The following WHRN variants were observed in gnomAD, a reference collection of about 807,000 sequenced individuals.
WHRN encodes CASK-interacting protein CIP98.
Under a neutral mutation model 68.3 loss-of-function variants are expected in WHRN, and 41 were observed. The observed-to-expected ratio is 0.60, with a 90% CI of 0.47 to 0.78. WHRN has a LOEUF of 0.78. WHRN is among the 30% of genes least tolerant of loss of function. The pLI, the probability that WHRN is intolerant of heterozygous loss-of-function variation, is 0.00. For missense variants in WHRN, 1,243 were observed against 1,244.7 expected (o/e 1.00, Z 0.02); for synonymous variants, 560 against 561.3 (o/e 1.00, Z 0.03).
At chr9:114,493,012 A>G (rs1315740471) in intron 1 of WHRN, among the ~76,000 whole-genome samples, 1 of 152,022 alleles carries the variant, frequency 6.6e-6, no homozygotes, top group Non-Finnish European at 1.5e-5. Flanking sequence ...GCAAGGCCCT[A>G]TCTCAAAAAA....
chr9:114,498,342 A>C (rs1485979231), intron 1 of WHRN, among the ~76,000 whole-genome samples: 1 of 152,188 alleles, frequency 6.6e-6, no homozygotes, highest in Non-Finnish European at 1.5e-5. Flanking sequence ...AGGAGTGGGC[A>C]GGTAGGGGTA....
chr9:114,439,933 G>T (rs2132570578), intron 3 of WHRN, among the ~76,000 whole-genome samples: 1 of 152,234 alleles, frequency 6.6e-6, no homozygotes, highest in South Asian at 2.1e-4. Flanking sequence ...TTTATTTATT[G>T]AGACGGAGTC....
intron 2 of WHRN, among the ~76,000 whole-genome samples, chr9:114,476,087 C>T (rs1841623232): frequency 1.3e-5 from 2 of 152,148 alleles, no homozygotes; most frequent in South Asian, 4.1e-4. Flanking sequence ...ATCTCAGCCT[C>T]CCAAGCAGCT....
At chr9:114,494,393 T>G (rs979781552) in intron 1 of WHRN, among the ~76,000 whole-genome samples, 5 of 152,244 alleles carry the variant, frequency 3.3e-5, no homozygotes, top group African/African-American at 1.2e-4. Flanking sequence ...TATCCCCATT[T>G]TAGAGATGAG....
chr9:114,482,840 C>T (rs1842198876), intron 1 of WHRN, among the ~76,000 whole-genome samples: 1 of 152,192 alleles, frequency 6.6e-6, no homozygotes, highest in African/African-American at 2.4e-5. Context: ...GAGAACACCA[C>T]AGAGAGCCAG....
intron 3 of WHRN, among the ~76,000 whole-genome samples, chr9:114,459,055 C>T (rs1326091593): frequency 6.6e-6 from 1 of 152,160 alleles, no homozygotes; most frequent in Non-Finnish European, 1.5e-5. Context: ...TCCAGAACCT[C>T]CCTTGGGCAG....
At chr9:114,489,614 T>G (rs1328473565) in intron 1 of WHRN, among the ~76,000 whole-genome samples, 2 of 152,188 alleles carry the variant, frequency 1.3e-5, no homozygotes, top group Non-Finnish European at 2.9e-5. Flanking sequence ...TACTTTTGAC[T>G]TAAGTAAGAA....
chr9:114,465,856 T>C (rs946510709), intron 3 of WHRN, among the ~76,000 whole-genome samples: 2 of 152,178 alleles, frequency 1.3e-5, no homozygotes, highest in Non-Finnish European at 2.9e-5. Context: ...GGGCACACAG[T>C]TAGCCCTCTT....
At chr9:114,450,825 T>A (rs1589161465) in intron 3 of WHRN, among the ~76,000 whole-genome samples, 2 of 122,898 alleles carry the variant, frequency 1.6e-5, no homozygotes, top group East Asian at 2.5e-4. Context: ...TATTATTAGT[T>A]TCCCCCCCCG....
chr9:114,464,986 G>C (rs1840557104), intron 3 of WHRN, among the ~76,000 whole-genome samples: 1 of 152,160 alleles, frequency 6.6e-6, no homozygotes. Context: ...CAAGATGCCA[G>C]CAGGTTCAGT....
intron 1 of WHRN, among the ~76,000 whole-genome samples, chr9:114,483,130 T>C (rs535503667): frequency 6.6e-6 from 1 of 152,194 alleles, no homozygotes; most frequent in Non-Finnish European, 1.5e-5. Context: ...GGGATAAATA[T>C]GGGCTTTTTC....
Position 114,402,535 on chromosome 9 carries a change from A to T in WHRN, c.*219T>A. The T allele has an allele frequency of 1.6e-6, 1 of 634,096 alleles. No homozygotes were observed. The highest frequency in any genetic ancestry group is 2.8e-6 in the Non-Finnish European group (1 of 356,824). 39.3% of individuals were successfully genotyped at this position (634,096 alleles called of 1,614,324 possible). On this transcript the variant is annotated 3_prime_UTR_variant, in exon 12 of 12. Transcript: ENST00000362057. Reference sequence around the variant, plus strand: ...CACTTGTCCTGGGCGCCTACTGTGTACCCAGTACAGCACCAGTTCCTGACC... The same window carrying T: ...CACTTGTCCTGGGCGCCTACTGTGTTCCCAGTACAGCACCAGTTCCTGACC...
chr9:114,462,101 T>A (rs1840291768), intron 3 of WHRN, among the ~76,000 whole-genome samples: 1 of 152,228 alleles, frequency 6.6e-6, no homozygotes, highest in South Asian at 2.1e-4. Flanking sequence ...CATCTCTTTG[T>A]AAATATGAAA....
intron 3 of WHRN, among the ~76,000 whole-genome samples, chr9:114,447,698 C>G (rs949634159): frequency 6.6e-6 from 1 of 152,090 alleles, no homozygotes; most frequent in Non-Finnish European, 1.5e-5. Context: ...GTGATTAGGC[C>G]ACAAGGACTC....
At chr9:114,480,186 G>A (rs1841990571) in intron 1 of WHRN, among the ~76,000 whole-genome samples, 1 of 152,046 alleles carries the variant, frequency 6.6e-6, no homozygotes, top group Non-Finnish European at 1.5e-5. Flanking sequence ...CGTGAGGAGA[G>A]GCAAGCCCAA....
chr9:114,471,889 G>A (rs577070718), intron 2 of WHRN, among the ~76,000 whole-genome samples: 1 of 152,332 alleles, frequency 6.6e-6, no homozygotes, highest in Admixed American at 6.5e-5. Context: ...TTTGGGCACG[G>A]TTGTGAGAGG....
chr9:114,440,015 C>T (rs1358379069), intron 3 of WHRN, among the ~76,000 whole-genome samples: 1 of 152,106 alleles, frequency 6.6e-6, no homozygotes, highest in African/African-American at 2.4e-5. Flanking sequence ...CGGGTTCAAG[C>T]GATTCTCCTG....
chr9:114,420,266 A>C (rs1836164806), intron 7 of WHRN, among the ~76,000 whole-genome samples: 1 of 152,158 alleles, frequency 6.6e-6, no homozygotes, highest in African/African-American at 2.4e-5. Flanking sequence ...GGGGAGGGAA[A>C]GACCCCACTG....
chr9:114,453,603 A>AGG (rs1839521473), intron 3 of WHRN, among the ~76,000 whole-genome samples: 1 of 152,294 alleles, frequency 6.6e-6, no homozygotes, highest in African/African-American at 2.4e-5. Flanking sequence ...TAATAAGGGC[A>AGG]CCTTACAAGC....
Sources: allele counts gnomAD v4.1 joint callset (sites outside exome capture counted in the v4.1 genomes callset), GRCh38; gene constraint gnomAD v4.1.1; transcripts MANE v1.5; gene names NCBI Gene and HGNC (gene_info 2026-07-23, HGNC 2026-07-21).